HSDL2: variants seen among roughly 807,000 people sequenced by gnomAD.
The protein encoded by HSDL2 is hydroxysteroid dehydrogenase-like protein 2.
Under a neutral mutation model 46.3 loss-of-function variants are expected in HSDL2, and 27 were observed. That is an observed-to-expected ratio of 0.58 (90% CI 0.43 to 0.80). The LOEUF (loss-of-function observed/expected upper bound fraction) is 0.80, where lower values mean the gene tolerates loss of function less well. Among genes scored for constraint, HSDL2 ranks in the 30% least tolerant of loss-of-function variants. The probability of loss-of-function intolerance (pLI) is 0.00; values close to 1 mark genes in which losing one functional copy is unlikely to be tolerated. For synonymous variants in HSDL2, 153 were observed against 163.6 expected, an observed-to-expected ratio of 0.94 and a Z score of 0.50; for missense variants, 451 against 502.7, an observed-to-expected ratio of 0.90 and a Z score of 0.98.
intron 1 of HSDL2, among the ~76,000 whole-genome samples, chr9:112,396,771 T>A (rs1454968775): frequency 6.6e-6 from 1 of 152,144 alleles, no homozygotes; most frequent in African/African-American, 2.4e-5. Flanking sequence ...GGAATGGTAC[T>A]ACAGAGATTG....
intron 1 of HSDL2, among the ~76,000 whole-genome samples, chr9:112,386,766 A>G (rs1480906851): frequency 1.3e-5 from 2 of 152,198 alleles, no homozygotes; most frequent in East Asian, 3.8e-4. Context: ...CTGGGCGACA[A>G]AGGGAGACTC....
intron 10 of HSDL2, among the ~76,000 whole-genome samples, chr9:112,466,612 A>T (rs1833395455): frequency 6.6e-6 from 1 of 151,936 alleles, no homozygotes; most frequent in Non-Finnish European, 1.5e-5. Flanking sequence ...CATGATTTAC[A>T]AATGCTTTTT....
At chr9:112,430,632 A>G (rs1832365734) in intron 6 of HSDL2, among the ~76,000 whole-genome samples, 1 of 152,242 alleles carries the variant, frequency 6.6e-6, no homozygotes, top group Admixed American at 6.5e-5. Flanking sequence ...GGCTGTGACC[A>G]GGATGACAGC....
rs1026822247 is a variant in HSDL2 at position 112,472,223 on chromosome 9, C to A, written c.*1679C>A. ...CCTCTGCTTTAATCCACACAAGGAA[C>A]GTAACCTGAAGTAACCTGATGTTAA... On this transcript the variant is annotated 3_prime_UTR_variant, in exon 11 of 11. Coordinates refer to ENST00000398805, the MANE Select transcript of HSDL2 (RefSeq NM_032303.5). 6.6e-6 allele frequency: 1 copy of A among 152,206 alleles called. No homozygotes were observed. The highest frequency in any genetic ancestry group is 1.5e-5 in the Non-Finnish European group (1 of 68,038). The allele number at this position is 152,206 out of a possible 1,614,324, so 9.4% of individuals were successfully genotyped here. A position where few individuals can be genotyped will look rare whatever the true frequency, so the allele number is the denominator to read the frequency against.
Position 112,438,600 on chromosome 9 carries a change from T to C in HSDL2, c.768T>C (p.Asn256=), listed in dbSNP as rs1202805011. ...ENILKEEGIE[N]FDVYAIKPGH... ...TCTTAAAAGAAGAAGGAATAGAAAA[T>C]TTTGACGTTTATGCAATTAAACCAG... is the stretch of plus-strand genomic sequence containing the variant. Residue 256 remains asparagine (N), a synonymous_variant, in exon 7 of 11, where the codon AAT becomes AAC. Coordinates refer to ENST00000398805, the MANE Select transcript of HSDL2 (RefSeq NM_032303.5). 1 of 1,598,402 alleles carries C rather than the reference T, an allele frequency of 6.3e-7. No individual in the cohort carries two copies.
At chr9:112,450,261 C>CCCA (rs146787481) in intron 8 of HSDL2, among the ~76,000 whole-genome samples, 1 of 130,212 alleles carries the variant, frequency 7.7e-6, no homozygotes, top group African/African-American at 3.1e-5. Context: ...GAGACCCCCC[C>CCCA]CCCATCTCTA....
chr9:112,383,449 G>T (rs1047895529), intron 1 of HSDL2, among the ~76,000 whole-genome samples: 42 of 148,650 alleles, frequency 2.8e-4, no homozygotes, highest in African/African-American at 8.7e-4. Flanking sequence ...TATTTGTATT[G>T]TCTATATTTT....
chr9:112,398,856 A>T (rs1831522587), intron 1 of HSDL2, among the ~76,000 whole-genome samples: 1 of 152,126 alleles, frequency 6.6e-6, no homozygotes, highest in Non-Finnish European at 1.5e-5. Flanking sequence ...CATATTTTCC[A>T]TAGGTACCTG....
chr9:112,426,178 T>G (rs1010120901), intron 6 of HSDL2, among the ~76,000 whole-genome samples: 1 of 151,964 alleles, frequency 6.6e-6, no homozygotes, highest in Non-Finnish European at 1.5e-5. Context: ...GGGCTGGCAG[T>G]TTGCTCTTCT....
At chr9:112,468,654 T>C (rs1587976150) in intron 10 of HSDL2, among the ~76,000 whole-genome samples, 3 of 152,176 alleles carry the variant, frequency 2.0e-5, no homozygotes, top group Middle Eastern at 3.4e-3. Context: ...CTTCCCTCTT[T>C]CTCCACCTGC....
intron 9 of HSDL2, among the ~76,000 whole-genome samples, chr9:112,458,143 T>A (rs1833088241): frequency 6.6e-6 from 1 of 152,022 alleles, no homozygotes; most frequent in African/African-American, 2.4e-5. Flanking sequence ...GCACTCTTGA[T>A]TCTGGCTTTT....
intron 8 of HSDL2, among the ~76,000 whole-genome samples, chr9:112,445,315 C>G (rs538983510): frequency 4.6e-5 from 7 of 152,146 alleles, no homozygotes; most frequent in Non-Finnish European, 1.0e-4. Context: ...GCTTTCTCTT[C>G]TGTATTCTGG....
In HSDL2 at chr9:112,459,851, G is replaced by A. The variant is rs77309793; in HGVS notation, c.1144+274G>A. Among the ~76,000 whole-genome samples the A allele has an allele frequency of 3.1e-3, 468 of 152,208 alleles. 1 individual carries two copies. Among genetic ancestry groups the A allele is most frequent in the African/African-American group, 0.011 (444 of 41,540 alleles). On this transcript the variant is annotated intron_variant, in intron 10 of 10. Transcript: ENST00000398805. ...ATAATTCAAAGGGACTCCTGGGTGGGCTTCATCATATTAGCTGGCCTAAGG... is the reference window on the plus strand; with the variant it reads ...ATAATTCAAAGGGACTCCTGGGTGGACTTCATCATATTAGCTGGCCTAAGG...
chr9:112,387,508 C>T (rs1015321792), intron 1 of HSDL2, among the ~76,000 whole-genome samples: 15 of 152,150 alleles, frequency 9.9e-5, no homozygotes, highest in African/African-American at 3.6e-4. Flanking sequence ...GCATGAGCCA[C>T]CATGCCTACC....
At chr9:112,388,578 T>C (rs904045207) in intron 1 of HSDL2, among the ~76,000 whole-genome samples, 3 of 148,802 alleles carry the variant, frequency 2.0e-5, no homozygotes, top group Admixed American at 6.8e-5. Context: ...GGTGAAACCC[T>C]GTCACTGCTA....
At chr9:112,448,012 C>T (rs1187200276) in intron 8 of HSDL2, among the ~76,000 whole-genome samples, 1 of 152,112 alleles carries the variant, frequency 6.6e-6, no homozygotes. Context: ...GGGTTCAAAT[C>T]CGGTGCCCGC....
rs765570251 is a variant in HSDL2 at position 112,403,976 on chromosome 9, C to T, written c.18-19C>T. ...AAAACATTGGGTCTTCTAATAAGGT[C>T]GTATTTGTTCTGTTGTAGGAGGCTG... On this transcript the variant is annotated intron_variant, in intron 1 of 10. Transcript: ENST00000398805. 60 of 1,607,972 alleles carry T rather than the reference C, an allele frequency of 3.7e-5. No homozygotes were observed. The East Asian group carries it at 5.4e-4, about 14-fold the overall frequency.
intron 8 of HSDL2, among the ~76,000 whole-genome samples, chr9:112,452,039 G>A (rs988041771): frequency 7.9e-5 from 12 of 152,114 alleles, no homozygotes; most frequent in Admixed American, 2.6e-4. Context: ...CCCAGTGCAG[G>A]CAATAAAGGG....
intron 6 of HSDL2, among the ~76,000 whole-genome samples, chr9:112,424,415 T>C (rs1357705984): frequency 6.6e-6 from 1 of 152,130 alleles, no homozygotes; most frequent in South Asian, 2.1e-4. Flanking sequence ...TTTCTAAACT[T>C]TCTTGTTGAG....
Sources: allele counts gnomAD v4.1 joint callset (sites outside exome capture counted in the v4.1 genomes callset), GRCh38; gene constraint gnomAD v4.1.1; transcripts MANE v1.5; gene names NCBI Gene and HGNC (gene_info 2026-07-23, HGNC 2026-07-21).